NAV3: variants seen among roughly 807,000 people sequenced by gnomAD.
NAV3 encodes neuron navigator 3.
A neutral mutation model predicts 244.7 loss-of-function variants in NAV3; 87 were observed. The observed-to-expected ratio is 0.36, with a 90% CI of 0.30 to 0.42. The LOEUF (loss-of-function observed/expected upper bound fraction) is 0.42. NAV3 is among the 20% of genes least tolerant of loss of function. NAV3 has a pLI of 1.00. For synonymous variants in NAV3, 1,126 were observed against 1,042.2 expected, an observed-to-expected ratio of 1.08 and a Z score of -1.55; for missense variants, 2,663 against 2,893.3, an observed-to-expected ratio of 0.92 and a Z score of 1.83.
At chr12:77,614,332 G>A (rs1871064678) in intron 2 of NAV3, among the ~76,000 whole-genome samples, 1 of 151,802 alleles carries the variant, frequency 6.6e-6, no homozygotes, top group Admixed American at 6.6e-5. Flanking sequence ...GGAAGCCTGG[G>A]CACAGACAAC....
In NAV3 at chr12:77,721,532, C is replaced by T. The variant is rs1462795274; in HGVS notation, c.72+149266C>T. Among the ~76,000 whole-genome samples the T allele has an allele frequency of 2.6e-5, 4 of 152,100 alleles. 1 individual carries two copies. Among genetic ancestry groups the T allele is most frequent in the Admixed American group, 2.6e-4 (4 of 15,258 alleles). On this transcript the variant is annotated intron_variant, in intron 2 of 8. Transcript: ENST00000550042. ...TTCAATTACTTATATAAATGTTTTA[C>T]ACTTAAATTAGTTCTAGATATTTGG...
At chr12:77,574,419 T>C (rs759364768) in intron 2 of NAV3, among the ~76,000 whole-genome samples, 3 of 152,196 alleles carry the variant, frequency 2.0e-5, no homozygotes, top group Non-Finnish European at 4.4e-5. Context: ...GGTAACATCA[T>C]AAATCTTTGT....
chr12:78,150,503 T>C (rs1957032574), intron 22 of NAV3, among the ~76,000 whole-genome samples: 2 of 65,612 alleles, frequency 3.0e-5, no homozygotes, highest in African/African-American at 1.1e-4. Flanking sequence ...TTTGTTTTTG[T>C]TTTTGTTTTT....
In NAV3 at chr12:78,197,220, G is replaced by A. The variant is rs200694819; in HGVS notation, c.6292-27G>A. The A allele has an allele frequency of 1.3e-4, 194 of 1,484,124 alleles. 3 individuals carry two copies. In the East Asian group the frequency reaches 3.5e-3, roughly 26 times the overall value. 91.9% of individuals were successfully genotyped at this position (1,484,124 alleles called of 1,614,324 possible). On this transcript the variant is annotated intron_variant, in intron 34 of 39. Coordinates refer to ENST00000397909, the MANE Select transcript of NAV3 (RefSeq NM_001024383.2). ...CTATTAGTATAAATTTATCACTGAC[G>A]TATCTGTTTTCTTCATTTTTTAAAA...
chr12:77,720,847 G>A (rs1011712551), intron 2 of NAV3, among the ~76,000 whole-genome samples: 4 of 152,116 alleles, frequency 2.6e-5, no homozygotes, highest in East Asian at 1.9e-4. Context: ...TGTCCATGGA[G>A]GGAAGGAGGG....
At chr12:77,639,132 G>A (rs1872281667) in intron 2 of NAV3, among the ~76,000 whole-genome samples, 1 of 152,028 alleles carries the variant, frequency 6.6e-6, no homozygotes, top group Non-Finnish European at 1.5e-5. Context: ...TGGGGTAGCT[G>A]GACTATCTCC....
chr12:77,856,190 T>G (rs1878371560), intron 1 of NAV3, among the ~76,000 whole-genome samples: 1 of 152,212 alleles, frequency 6.6e-6, no homozygotes, highest in Non-Finnish European at 1.5e-5. Context: ...AGAGCTTTCA[T>G]TTCCTGCTGT....
intron 11 of NAV3, 26 bp from the exon 12 acceptor site, chr12:78,058,970 T>C: frequency 6.4e-7 from 1 of 1,562,896 alleles, no homozygotes; most frequent in African/African-American, 1.4e-5. Context: ...TAGTTTTCTG[T>C]GAATTAATTA....
intron 22 of NAV3, among the ~76,000 whole-genome samples, chr12:78,155,620 C>T (rs999675474): frequency 6.6e-6 from 1 of 152,114 alleles, no homozygotes; most frequent in Non-Finnish European, 1.5e-5. Flanking sequence ...AACTAATTTA[C>T]TCTCCCACCA....
intron 2 of NAV3, among the ~76,000 whole-genome samples, chr12:77,752,291 G>A (rs1187638343): frequency 6.6e-6 from 1 of 152,088 alleles, no homozygotes; most frequent in Non-Finnish European, 1.5e-5. Flanking sequence ...CATGGAAGCT[G>A]GGAAGGAAAC....
chr12:77,884,956 CTT>C (rs1337122065), intron 1 of NAV3, among the ~76,000 whole-genome samples: 11 of 151,974 alleles, frequency 7.2e-5, no homozygotes, highest in African/African-American at 2.7e-4. Flanking sequence ...GAAAATATGT[CTT>C]AGAGTAATTT....
intron 9 of NAV3, among the ~76,000 whole-genome samples, chr12:78,032,818 A>G (rs925609480): frequency 1.1e-4 from 16 of 152,150 alleles, no homozygotes; most frequent in African/African-American, 3.6e-4. Flanking sequence ...TCATCTTCCA[A>G]GTGATTCTGC....
intron 9 of NAV3, among the ~76,000 whole-genome samples, chr12:78,026,120 G>T (rs751562264): frequency 2.4e-4 from 36 of 151,944 alleles, no homozygotes; most frequent in Non-Finnish European, 4.7e-4. Flanking sequence ...CCAGGTCTCT[G>T]CTTCTAGGTT....
Position 78,006,748 on chromosome 12 carries a change from A to G in NAV3, c.1210A>G (p.Ser404Gly), listed in dbSNP as rs1874296593. Reference protein sequence around the residue: ...RTALRPPQPPSSGPSDGGKDD... With the variant: ...RTALRPPQPPGSGPSDGGKDD... ...TGCTTTACGCCCCCCGCAGCCTCCC[A>G]GTTCAGGACCTAGTGATGGTGGGAA... Residue 404 changes from serine (S) to glycine (G), a missense_variant, in exon 8 of 40, where the codon AGT (serine) becomes GGT (glycine). Transcript: ENST00000397909. 2 of 1,614,048 alleles carry G rather than the reference A, an allele frequency of 1.2e-6. No homozygotes were observed. The highest frequency in any genetic ancestry group is 8.5e-7 in the Non-Finnish European group (1 of 1,180,040).
chr12:77,628,940 C>T (rs180814390), intron 2 of NAV3, among the ~76,000 whole-genome samples: 21 of 150,264 alleles, frequency 1.4e-4, no homozygotes, highest in African/African-American at 5.2e-4. Flanking sequence ...AAAATGTATC[C>T]TCTGCATTTT....
chr12:77,655,959 A>G (rs140865717), intron 2 of NAV3, among the ~76,000 whole-genome samples: 8,033 of 142,790 alleles, frequency 0.056, 1,134 homozygotes, highest in African/African-American at 0.18. Flanking sequence ...TGAAGGAAGC[A>G]CTGAACATGG....
chr12:77,788,788 C>A (rs2135936911), intron 2 of NAV3, among the ~76,000 whole-genome samples: 1 of 151,844 alleles, frequency 6.6e-6, no homozygotes. Context: ...ATTGAGATTC[C>A]AAAAGATTAA....
chr12:78,087,555 T>A (rs1267093582), intron 12 of NAV3, among the ~76,000 whole-genome samples: 1 of 151,982 alleles, frequency 6.6e-6, no homozygotes, highest in Non-Finnish European at 1.5e-5. Flanking sequence ...TTTATGTCAT[T>A]TGACTTAAAA....
intron 2 of NAV3, among the ~76,000 whole-genome samples, chr12:77,658,523 G>A (rs1009910193): frequency 9.9e-4 from 150 of 151,112 alleles, no homozygotes; most frequent in African/African-American, 3.5e-3. Context: ...CGTGAAAATG[G>A]CCATACTGCC....
Sources: allele counts gnomAD v4.1 joint callset (sites outside exome capture counted in the v4.1 genomes callset), GRCh38; gene constraint gnomAD v4.1.1; transcripts MANE v1.5; gene names NCBI Gene and HGNC (gene_info 2026-07-23, HGNC 2026-07-21).